The following BAIAP2 variants were observed in gnomAD, a reference collection of about 807,000 sequenced individuals.
BAIAP2 encodes BAR/IMD domain containing adaptor protein 2.
BAIAP2 carries 18 observed loss-of-function variants against 63.0 expected under a neutral mutation model. The observed-to-expected ratio is 0.29, with a 90% CI of 0.20 to 0.42. The LOEUF (loss-of-function observed/expected upper bound fraction) is 0.42, where lower values mean the gene tolerates loss of function less well. Ranked by LOEUF, BAIAP2 falls within the 10% of genes least tolerant of loss-of-function variation. The pLI, the probability that BAIAP2 is intolerant of heterozygous loss-of-function variation, is 1.00. For missense variants in BAIAP2, 610 were observed against 734.3 expected, an observed-to-expected ratio of 0.83 and a Z score of 1.96; for synonymous variants, 386 against 307.6, an observed-to-expected ratio of 1.25 and a Z score of -2.67.
intron 1 of BAIAP2, among the ~76,000 whole-genome samples, chr17:81,035,517 G>T (rs1444901608): frequency 1.3e-5 from 2 of 149,066 alleles, no homozygotes; most frequent in Non-Finnish European, 3.0e-5. Context: ...GGCCACCCCC[G>T]CCCGGGCCCC....
intron 1 of BAIAP2, among the ~76,000 whole-genome samples, chr17:81,044,673 A>G (rs1219126865): frequency 2.6e-5 from 4 of 152,152 alleles, no homozygotes; most frequent in Non-Finnish European, 4.4e-5. Flanking sequence ...CGAGTCTCCC[A>G]TGTTGCCTGG....
At chr17:81,113,413 T>C (rs2060136890) in intron 13 of BAIAP2, among the ~76,000 whole-genome samples, 1 of 152,226 alleles carries the variant, frequency 6.6e-6, no homozygotes, top group Admixed American at 6.5e-5. Context: ...TGCAGTGGCC[T>C]TGGGCTGCAG....
In BAIAP2 at chr17:81,115,494, T is replaced by A. The variant is rs117677832; in HGVS notation, c.1536-276T>A. 3.7e-3 allele frequency among the ~76,000 whole-genome samples: 567 copies of A among 152,040 alleles called. 3 individuals carry two copies. Among genetic ancestry groups the A allele is most frequent in the African/African-American group, 0.013 (532 of 41,460 alleles). ...TGCCCCGCCCCACCCCGCCCTGCCC[T>A]GCCCAGCCCACACTGCTGGGAGGGT... On this transcript the variant is annotated intron_variant, in intron 13 of 13. Transcript: ENST00000428708.
chr17:81,095,561 C>T (rs941087483), intron 6 of BAIAP2, among the ~76,000 whole-genome samples: 3 of 152,270 alleles, frequency 2.0e-5, no homozygotes, highest in Non-Finnish European at 2.9e-5. Flanking sequence ...GAGTGGCAGC[C>T]GCATGTCATG....
At position 81,085,645 on chromosome 17, in the gene BAIAP2, C is replaced by T. The variant is rs754622141; in HGVS notation, c.280-9C>T. 49 of 1,612,670 alleles carry T rather than the reference C, an allele frequency of 3.0e-5. 1 individual carries two copies. The South Asian group carries it at 5.2e-4, about 17-fold the overall frequency. ...GCTGACGGCTGATGTGTTTTCTCTC[C>T]ATGTCCAGCTGAAGTCTTTTCACAA... On this transcript the variant is annotated splice_polypyrimidine_tract_variant and intron_variant, in intron 4 of 13. Coordinates refer to ENST00000428708, the MANE Select transcript of BAIAP2 (RefSeq NM_001144888.2).
intron 6 of BAIAP2, among the ~76,000 whole-genome samples, chr17:81,098,979 TCCC>T (rs2058096206): frequency 7.6e-5 from 1 of 13,116 alleles, no homozygotes; most frequent in Non-Finnish European, 2.0e-4. Flanking sequence ...CATCCCCCCA[TCCC>T]CCCATCCCCC....
chr17:81,110,863 G>A (rs537314224), intron 13 of BAIAP2: 11 of 1,611,674 alleles, frequency 6.8e-6, no homozygotes, highest in South Asian at 1.1e-5. Context: ...CTGCACCCCC[G>A]AGTCCTCAGA....
chr17:81,067,570 C>G (rs1291262759), intron 3 of BAIAP2, among the ~76,000 whole-genome samples: 1 of 126,612 alleles, frequency 7.9e-6, no homozygotes, highest in Non-Finnish European at 1.9e-5. Flanking sequence ...GGCCCCTGGT[C>G]TGGCTGCTCG....
chr17:81,074,476 A>C (rs1198838379), intron 3 of BAIAP2, among the ~76,000 whole-genome samples: 1 of 150,148 alleles, frequency 6.7e-6, no homozygotes, highest in Non-Finnish European at 1.5e-5. Flanking sequence ...GCATGCACGG[A>C]TACATGTGAA....
chr17:81,056,478 G>A (rs964700814), intron 2 of BAIAP2: 1 of 152,252 alleles, frequency 6.6e-6, no homozygotes, highest in Non-Finnish European at 1.5e-5. Context: ...GCTCTCCGAG[G>A]TGTGGGTTTC....
intron 3 of BAIAP2, among the ~76,000 whole-genome samples, chr17:81,065,574 C>G (rs2051317008): frequency 6.6e-6 from 1 of 152,226 alleles, no homozygotes; most frequent in South Asian, 2.1e-4. Context: ...CTGTGGTTTG[C>G]AGTGTCCTGT....
chr17:81,061,514 G>T (rs1320213811), intron 3 of BAIAP2, among the ~76,000 whole-genome samples: 1 of 152,180 alleles, frequency 6.6e-6, no homozygotes, highest in East Asian at 1.9e-4. Context: ...TACATACATG[G>T]AACCATACGG....
At chr17:81,090,369 T>C (rs1310754563) in intron 6 of BAIAP2, among the ~76,000 whole-genome samples, 5 of 152,162 alleles carry the variant, frequency 3.3e-5, no homozygotes. Context: ...CCGCCTCTGC[T>C]CCTCCCCATC....
chr17:81,093,151 G>A (rs1244691469), intron 6 of BAIAP2, among the ~76,000 whole-genome samples: 3 of 151,914 alleles, frequency 2.0e-5, no homozygotes, highest in East Asian at 3.9e-4. Context: ...GGACCTGAGT[G>A]TGAGGAGGGA....
At chr17:81,066,086 G>A (rs1046741011) in intron 3 of BAIAP2, among the ~76,000 whole-genome samples, 6 of 152,250 alleles carry the variant, frequency 3.9e-5, no homozygotes, top group South Asian at 2.1e-4. Flanking sequence ...GCCCTGCCAC[G>A]GAACACCTGA....
At chr17:81,090,913 G>A (rs1276039644) in intron 6 of BAIAP2, among the ~76,000 whole-genome samples, 1 of 152,164 alleles carries the variant, frequency 6.6e-6, no homozygotes, top group African/African-American at 2.4e-5. Flanking sequence ...TCTACTTTAG[G>A]GTGTGGCCGC....
At chr17:81,074,118 A>T (rs963972832) in intron 3 of BAIAP2, among the ~76,000 whole-genome samples, 1 of 152,168 alleles carries the variant, frequency 6.6e-6, no homozygotes, top group African/African-American at 2.4e-5. Flanking sequence ...TGAGAGGAGG[A>T]TGCGTCTGTG....
At chr17:81,062,365 T>C (rs1366172922) in intron 3 of BAIAP2, among the ~76,000 whole-genome samples, 2 of 152,210 alleles carry the variant, frequency 1.3e-5, no homozygotes, top group Admixed American at 6.5e-5. Flanking sequence ...ATTTTTGTTA[T>C]TATGACTCTG....
rs1314155224 is a variant in BAIAP2, at chr17:81,046,656, C to G, written c.55-7012C>G. Reference sequence around the variant, plus strand: ...CAGCCAAGGGAACTGAGCCTGTGGCCCCCGGACAGCAAGCTCTGAGGTGTC... The same window carrying G: ...CAGCCAAGGGAACTGAGCCTGTGGCGCCCGGACAGCAAGCTCTGAGGTGTC... On this transcript the variant is annotated intron_variant, in intron 1 of 13. Transcript: ENST00000428708. This position sits in a 1 kb window ranked among gnomAD's most constrained non-coding sequence, Gnocchi z 4.5. Among the ~76,000 whole-genome samples the G allele has an allele frequency of 2.0e-5, 3 of 152,160 alleles. No homozygotes were observed. Among genetic ancestry groups the G allele is most frequent in the Non-Finnish European group, 4.4e-5 (3 of 68,012 alleles).
Sources: gnomAD v4.1 joint callset for allele counts (sites outside exome capture counted in the v4.1 genomes callset) on GRCh38, gnomAD v4.1.1 for gene constraint, Gnocchi (gnomAD v3.1) non-coding constraint, MANE v1.5 for transcripts, NCBI Gene and HGNC (gene_info 2026-07-23, HGNC 2026-07-21) for gene names.